STK10: variants seen among roughly 807,000 people sequenced by gnomAD.
The protein encoded by STK10 is serine/threonine-protein kinase 10.
Under a neutral mutation model 113.8 loss-of-function variants are expected in STK10, and 78 were observed. The observed-to-expected ratio is 0.69, with a 90% CI of 0.57 to 0.83. The LOEUF (loss-of-function observed/expected upper bound fraction) is 0.83, where lower values mean the gene tolerates loss of function less well. STK10 is among the 40% of genes least tolerant of loss of function. The probability of loss-of-function intolerance (pLI) is 0.00; values close to 1 mark genes in which losing one functional copy is unlikely to be tolerated. For synonymous variants in STK10, 465 were observed against 494.7 expected (o/e 0.94, Z 0.80); for missense variants, 1,109 against 1,280.1 (o/e 0.87, Z 2.04).
At chr5:172,150,238 T>C (rs1770191392) in intron 2 of STK10, among the ~76,000 whole-genome samples, 1 of 151,596 alleles carries the variant, frequency 6.6e-6, no homozygotes, top group South Asian at 2.1e-4. Context: ...CCCAGCACTT[T>C]GGGAGGCTGA....
chr5:172,091,216 C>T (rs1490485092), intron 9 of STK10, among the ~76,000 whole-genome samples: 4 of 152,282 alleles, frequency 2.6e-5, no homozygotes, highest in Admixed American at 6.5e-5. Context: ...ACAATCCTCG[C>T]GCATGGTGCC....
intron 10 of STK10, 48 bp downstream of exon 10, chr5:172,090,184 C>T (rs41275261): frequency 3.1e-6 from 5 of 1,607,320 alleles, no homozygotes; most frequent in Non-Finnish European, 3.4e-6. Flanking sequence ...ACTCCTCTTA[C>T]CATAGCCCCA....
intron 1 of STK10, among the ~76,000 whole-genome samples, chr5:172,169,973 A>T (rs993399524): frequency 6.6e-6 from 1 of 152,168 alleles, no homozygotes; most frequent in African/African-American, 2.4e-5. Flanking sequence ...GAAAATCAAT[A>T]AACCACTATG....
At position 172,093,566 on chromosome 5, in the gene STK10, T is replaced by C. The variant is rs56063773; in HGVS notation, c.1400A>G (p.Asn467Ser). Residue 467 changes from asparagine to serine, a missense_variant, in exon 9 of 19, where the codon AAT becomes AGT. Physicochemically the swap from Asn to Ser is conservative, Grantham distance 46 (BLOSUM62 1). Transcript: ENST00000176763. The surrounding 1 kb of genome is among the most constrained non-coding windows in gnomAD (Gnocchi z 4.1). ...LETLGGEKLA[N>S]GSLEPPAQAA... ...CTGGGCAGGTGGCTCCAGGCTGCCA[T>C]TGGCCAGCTTCTCCCCACCCAAGGT... The C allele has an allele frequency of 1.4e-5, 23 of 1,614,224 alleles. No individual in the cohort carries two copies. The East Asian group carries it at 3.6e-4, about 25-fold the overall frequency.
At chr5:172,085,544 C>A (rs1768534008) in intron 10 of STK10, among the ~76,000 whole-genome samples, 1 of 151,710 alleles carries the variant, frequency 6.6e-6, no homozygotes, top group African/African-American at 2.4e-5. Flanking sequence ...CAAAAATTAG[C>A]CAGGTATGGT....
At chr5:172,045,364 GA>G in intron 18 of STK10, 5 of 506,856 alleles carry the variant, frequency 9.9e-6, no homozygotes, top group Non-Finnish European at 3.8e-6. Flanking sequence ...AGAAGATGGA[GA>G]GAGACTGAGC....
intron 14 of STK10, 71 bp downstream of exon 14, chr5:172,061,068 C>A (rs1377503195): frequency 1.2e-5 from 18 of 1,505,144 alleles, no homozygotes; most frequent in Non-Finnish European, 1.5e-5. Context: ...TGTTGCCCAC[C>A]CCACTTCCCA....
At chr5:172,067,803 G>T (rs1393348342) in intron 12 of STK10, among the ~76,000 whole-genome samples, 1 of 151,958 alleles carries the variant, frequency 6.6e-6, no homozygotes, top group Non-Finnish European at 1.5e-5. Context: ...ATGAAAAAGA[G>T]GAAGGTTTCA....
intron 1 of STK10, among the ~76,000 whole-genome samples, chr5:172,180,993 C>T (rs1770845311): frequency 6.6e-6 from 1 of 152,162 alleles, no homozygotes; most frequent in African/African-American, 2.4e-5. Context: ...AAGTGAACGC[C>T]GCAGATGAAT....
intron 1 of STK10, among the ~76,000 whole-genome samples, chr5:172,160,954 C>T (rs889227314): frequency 2.6e-5 from 4 of 152,198 alleles, no homozygotes; most frequent in South Asian, 2.1e-4. Flanking sequence ...AGACCAGATG[C>T]CAACAGACAT....
chr5:172,102,435 C>T (rs932667611), intron 7 of STK10, among the ~76,000 whole-genome samples: 2 of 152,168 alleles, frequency 1.3e-5, no homozygotes, highest in African/African-American at 4.8e-5. Flanking sequence ...CCCACTGGAC[C>T]TCCGGGGAGT....
rs575307141 is a variant in STK10 at position 172,156,699 on chromosome 5, A to C, written c.246T>G (p.Ile82Met). ...GGTGGTCGCAGGTGGCCAGGATCTC[A>C]ATCTCCACGATGTAGTCCTCCAGCT... Reference protein sequence around the residue: ...EEELEDYIVEIEILATCDHPY... With the variant: ...EEELEDYIVEMEILATCDHPY... Residue 82 changes from isoleucine (I) to methionine (M), a missense_variant, in exon 2 of 19, where the codon ATT becomes ATG. Physicochemically the swap from Ile to Met is conservative, Grantham distance 10. Transcript: ENST00000176763. The C allele has an allele frequency of 1.9e-5, 30 of 1,614,096 alleles. 2 individuals are homozygous for C. The South Asian group carries it at 3.2e-4, about 17-fold the overall frequency.
At chr5:172,078,619 TAAAAAAAAAAAAAAAAA>T (rs58823824) in intron 12 of STK10, among the ~76,000 whole-genome samples, 5 of 72,824 alleles carry the variant, frequency 6.9e-5, no homozygotes, top group Non-Finnish European at 1.3e-4. Context: ...GCCTCATCAT[TAAAAAAAAAAAAAAAAA>T]AAAAAAAAAA....
intron 1 of STK10, among the ~76,000 whole-genome samples, chr5:172,168,303 T>C (rs1192026522): frequency 6.6e-6 from 1 of 152,050 alleles, no homozygotes; most frequent in Non-Finnish European, 1.5e-5. Context: ...TGCGACTCTA[T>C]TTAGGAGAGA....
intron 18 of STK10, among the ~76,000 whole-genome samples, chr5:172,048,379 T>C (rs1322247388): frequency 7.0e-6 from 1 of 142,704 alleles, no homozygotes; most frequent in Non-Finnish European, 1.5e-5. Context: ...GCCAATTCCT[T>C]AAAATAACTA....
At chr5:172,080,006 C>T (rs61617364) in intron 12 of STK10, among the ~76,000 whole-genome samples, 19,386 of 152,160 alleles carry the variant, frequency 0.13, 1,319 homozygotes, top group Non-Finnish European at 0.14. Flanking sequence ...AACTCTGTGT[C>T]GAGCAAGTCT....
chr5:172,164,446 C>A (rs1770528370), intron 1 of STK10, among the ~76,000 whole-genome samples: 1 of 152,064 alleles, frequency 6.6e-6, no homozygotes, highest in East Asian at 1.9e-4. Flanking sequence ...TTTTACAACT[C>A]TCTATTAAGG....
chr5:172,121,827 AAGTGTT>A (rs1769517374), intron 3 of STK10, among the ~76,000 whole-genome samples: 1 of 151,980 alleles, frequency 6.6e-6, no homozygotes, highest in Non-Finnish European at 1.5e-5. Context: ...TGGTTTCCCA[AAGTGTT>A]GGGATTACAG....
At chr5:172,145,672 T>C (rs954151096) in intron 2 of STK10, among the ~76,000 whole-genome samples, 3 of 152,212 alleles carry the variant, frequency 2.0e-5, no homozygotes, top group Non-Finnish European at 2.9e-5. Flanking sequence ...GTCCCAATTA[T>C]GGCCGGACAC....
Sources: allele counts gnomAD v4.1 joint callset (sites outside exome capture counted in the v4.1 genomes callset), GRCh38; gene constraint gnomAD v4.1.1; non-coding constraint Gnocchi (gnomAD v3.1); transcripts MANE v1.5; gene names NCBI Gene and HGNC (gene_info 2026-07-23, HGNC 2026-07-21).